The following PDGFRL variants were observed in gnomAD, a reference collection of about 807,000 sequenced individuals.
PDGFRL encodes the protein platelet-derived growth factor receptor-like protein.
In PDGFRL, 46 loss-of-function variants were observed where a neutral mutation model predicts 37.2. The observed-to-expected ratio is 1.24, with a 90% CI of 0.98 to 1.58. PDGFRL has a LOEUF of 1.58. Among genes scored for constraint, PDGFRL ranks in the 40% most tolerant of loss-of-function variants. PDGFRL has a pLI of 0.00. For synonymous variants in PDGFRL, 251 were observed against 184.3 expected (o/e 1.36, Z -2.93); for missense variants, 692 against 467.6 (o/e 1.48, Z -4.43).
At chr8:17,642,049 G>A (rs1399563891) in intron 5 of PDGFRL, among the ~76,000 whole-genome samples, 1 of 152,090 alleles carries the variant, frequency 6.6e-6, no homozygotes, top group Non-Finnish European at 1.5e-5. Flanking sequence ...AGAAATAGGG[G>A]TCCTGTCATG....
At chr8:17,638,738 C>CATAT (rs56085770) in intron 5 of PDGFRL, among the ~76,000 whole-genome samples, 213 of 47,292 alleles carry the variant, frequency 4.5e-3, no homozygotes, top group Non-Finnish European at 5.9e-3. Flanking sequence ...GCATTAGGTG[C>CATAT]ATATATATAT....
intron 2 of PDGFRL, among the ~76,000 whole-genome samples, chr8:17,618,283 T>C (rs560185841): frequency 6.6e-6 from 1 of 152,300 alleles, no homozygotes; most frequent in East Asian, 1.9e-4. Flanking sequence ...CATGAACTCC[T>C]GAGCTCAAGC....
chr8:17,615,377 C>T (rs2129737730), intron 2 of PDGFRL, among the ~76,000 whole-genome samples: 1 of 152,230 alleles, frequency 6.6e-6, no homozygotes, highest in African/African-American at 2.4e-5. Context: ...TGCCATCACT[C>T]AGTCAAAATT....
At chr8:17,583,598 C>T (rs1038183264) in intron 1 of PDGFRL, among the ~76,000 whole-genome samples, 4 of 152,084 alleles carry the variant, frequency 2.6e-5, no homozygotes, top group Admixed American at 1.3e-4. Context: ...GGATATTTGA[C>T]CTCCTCCTAA....
At chr8:17,606,886 GTTTTTTTGTTT>G (rs1180236455) in intron 2 of PDGFRL, among the ~76,000 whole-genome samples, 1 of 138,262 alleles carries the variant, frequency 7.2e-6, no homozygotes, top group African/African-American at 2.8e-5. Context: ...TTCGTTTTTT[GTTTTTTTGTTT>G]TTTTTTTTTT....
intron 1 of PDGFRL, among the ~76,000 whole-genome samples, chr8:17,581,479 G>A (rs530220914): frequency 1.2e-4 from 18 of 152,236 alleles, no homozygotes; most frequent in Admixed American, 9.2e-4. Flanking sequence ...GCTATGGTTT[G>A]CCCCCACCAC....
chr8:17,642,561 T>C, intron 5 of PDGFRL, 52 bp from the exon 6 acceptor site: 1 of 1,135,712 alleles, frequency 8.8e-7, no homozygotes, highest in Admixed American at 1.7e-5. Flanking sequence ...GTGGGAGCTC[T>C]TTATAGCAGC....
At chr8:17,617,461 C>G in intron 2 of PDGFRL, among the ~76,000 whole-genome samples, 1 of 152,302 alleles carries the variant, frequency 6.6e-6, no homozygotes, top group South Asian at 2.1e-4. Context: ...GACACTGGCT[C>G]TGAAGGGCTC....
intron 2 of PDGFRL, among the ~76,000 whole-genome samples, chr8:17,613,018 A>C (rs1804453594): frequency 6.6e-6 from 1 of 152,166 alleles, no homozygotes; most frequent in Admixed American, 6.6e-5. Context: ...TTTGCACCTA[A>C]TCTACCATGA....
chr8:17,579,245 T>C (rs1803655179), intron 1 of PDGFRL, among the ~76,000 whole-genome samples: 2 of 152,172 alleles, frequency 1.3e-5, no homozygotes, highest in Non-Finnish European at 2.9e-5. Flanking sequence ...ATGTATGGAC[T>C]ATTTATGGAT....
intron 2 of PDGFRL, among the ~76,000 whole-genome samples, chr8:17,599,123 T>G (rs1235717427): frequency 6.6e-6 from 1 of 152,220 alleles, no homozygotes; most frequent in African/African-American, 2.4e-5. Context: ...TTTATGTCTT[T>G]ACTTCTCTCT....
intron 5 of PDGFRL, among the ~76,000 whole-genome samples, chr8:17,635,184 G>T (rs1435310841): frequency 6.6e-6 from 1 of 152,068 alleles, no homozygotes; most frequent in Non-Finnish European, 1.5e-5. Context: ...GTAGGTGTGT[G>T]TTACGTGAAT....
chr8:17,594,753 C>T (rs1331327671), intron 2 of PDGFRL, among the ~76,000 whole-genome samples: 4 of 151,966 alleles, frequency 2.6e-5, no homozygotes, highest in Admixed American at 2.6e-4. Context: ...CAGGGTTTCA[C>T]CGTGGTCTCG....
At chr8:17,585,804 G>T (rs750673088) in intron 1 of PDGFRL, among the ~76,000 whole-genome samples, 7 of 152,138 alleles carry the variant, frequency 4.6e-5, no homozygotes, top group Non-Finnish European at 8.8e-5. Context: ...CAGTTCTATT[G>T]AATTAGGCTA....
At chr8:17,617,440 A>G (rs2237827) in intron 2 of PDGFRL, among the ~76,000 whole-genome samples, 81,246 of 151,976 alleles carry the variant, frequency 0.53, 22,320 homozygotes, top group Middle Eastern at 0.66. Flanking sequence ...TTGATGAAGC[A>G]TCTCTGTACA....
At chr8:17,591,157 C>T (rs1267394583) in intron 2 of PDGFRL, among the ~76,000 whole-genome samples, 3 of 152,182 alleles carry the variant, frequency 2.0e-5, no homozygotes, top group East Asian at 1.9e-4. Flanking sequence ...GCTGGGATTA[C>T]AGGCGTGAGC....
chr8:17,602,001 C>A (rs753013625), intron 2 of PDGFRL, among the ~76,000 whole-genome samples: 1 of 152,114 alleles, frequency 6.6e-6, no homozygotes, highest in Non-Finnish European at 1.5e-5. Flanking sequence ...GGATTGCTGG[C>A]CCACATGGTA....
intron 2 of PDGFRL, among the ~76,000 whole-genome samples, chr8:17,609,049 T>C (rs551873468): frequency 1.3e-5 from 2 of 152,194 alleles, no homozygotes; most frequent in South Asian, 2.1e-4. Flanking sequence ...TGAGACCCCA[T>C]CTCTTAAAAA....
chr8:17,579,938 T>C (rs746661567), intron 1 of PDGFRL, among the ~76,000 whole-genome samples: 48 of 152,318 alleles, frequency 3.2e-4, no homozygotes, highest in South Asian at 4.1e-4. Flanking sequence ...ATTTTCAGCA[T>C]TTATATGGAA....
Sources: gnomAD v4.1 joint callset for allele counts (sites outside exome capture counted in the v4.1 genomes callset) on GRCh38, gnomAD v4.1.1 for gene constraint, MANE v1.5 for transcripts, NCBI Gene and HGNC (gene_info 2026-07-23, HGNC 2026-07-21) for gene names.